The following PCDHGB6 variants were observed in gnomAD, a reference collection of about 807,000 sequenced individuals.
PCDHGB6 encodes protocadherin gamma subfamily B, 6, also known as protocadherin gamma-B6.
In PCDHGB6, 51 loss-of-function variants were observed where a neutral mutation model predicts 59.1. That is an observed-to-expected ratio of 0.86 (90% CI 0.69 to 1.09). PCDHGB6 has a LOEUF of 1.09. Ranked by LOEUF, PCDHGB6 falls within the 50% of genes least tolerant of loss-of-function variation. The probability of loss-of-function intolerance (pLI) is 0.00; values close to 1 mark genes in which losing one functional copy is unlikely to be tolerated. For missense variants in PCDHGB6, 1,148 were observed against 1,205.1 expected, an observed-to-expected ratio of 0.95 and a Z score of 0.70; for synonymous variants, 466 against 495.1, an observed-to-expected ratio of 0.94 and a Z score of 0.78.
chr5:141,441,923 C>A, intron 1 of PCDHGB6: 2 of 351,136 alleles, frequency 5.7e-6, no homozygotes, highest in Non-Finnish European at 5.5e-6. Context: ...AGACACAATG[C>A]GTGGCTGTCC....
At chr5:141,492,822 C>T (rs1241767956) in intron 1 of PCDHGB6, among the ~76,000 whole-genome samples, 1 of 152,238 alleles carries the variant, frequency 6.6e-6, no homozygotes, top group Non-Finnish European at 1.5e-5. Context: ...GCACCAGCGG[C>T]CCCTTCCTCC....
At chr5:141,469,012 C>T (rs1196140759) in intron 1 of PCDHGB6, among the ~76,000 whole-genome samples, 1 of 151,852 alleles carries the variant, frequency 6.6e-6, no homozygotes, top group Non-Finnish European at 1.5e-5. Flanking sequence ...TGCGGTGGGT[C>T]ACTCCTGTAA....
Position 141,489,454 on chromosome 5 carries a change from G to C in PCDHGB6, c.2419-5353G>C, listed in dbSNP as rs1177748773. 1 of 1,613,940 alleles carries C rather than the reference G, an allele frequency of 6.2e-7. No homozygotes were observed. The highest frequency in any genetic ancestry group is 1.3e-5 in the African/African-American group (1 of 74,906). On this transcript the variant is annotated intron_variant, in intron 1 of 3. Transcript: ENST00000520790. This position sits in a 1 kb window ranked among gnomAD's most constrained non-coding sequence, Gnocchi z 4.5. ...GCTGCAATTGGGCTCTGAGGAGAAT[G>C]GGCGCTATTTTTCCCTGAGCTTGAT...
chr5:141,501,706 T>TA (rs2099810629), intron 2 of PCDHGB6, among the ~76,000 whole-genome samples: 1 of 152,094 alleles, frequency 6.6e-6, no homozygotes, highest in South Asian at 2.1e-4. Flanking sequence ...ATTCCGAGGA[T>TA]AAAAAAGACA....
In PCDHGB6 at chr5:141,431,771, C is replaced by G. The variant is rs1175712662; in HGVS notation, c.2418+21151C>G. 1.2e-6 allele frequency: 2 copies of G among 1,614,214 alleles called. No homozygotes were observed. Among genetic ancestry groups the G allele is most frequent in the Non-Finnish European group, 8.5e-7 (1 of 1,180,034 alleles). The stretch of plus-strand genomic sequence containing the variant: ...GCGAGCCAAAGTCCTGATCACTGTT[C>G]TGGACGTGAACGACAATGCCCCAGA... On this transcript the variant is annotated intron_variant, in intron 1 of 3. Coordinates refer to ENST00000520790, the MANE Select transcript of PCDHGB6 (RefSeq NM_018926.3). The surrounding 1 kb of genome is among the most constrained non-coding windows in gnomAD (Gnocchi z 4.8).
chr5:141,500,877 A>ATTT (rs369345007), intron 2 of PCDHGB6, among the ~76,000 whole-genome samples: 1 of 122,288 alleles, frequency 8.2e-6, no homozygotes, highest in Admixed American at 8.0e-5. Context: ...TTCATTTACA[A>ATTT]TTTTTTTTTT....
intron 1 of PCDHGB6, chr5:141,415,857 T>G (rs1271614762): frequency 1.7e-6 from 2 of 1,194,900 alleles, no homozygotes; most frequent in Non-Finnish European, 2.2e-6. Flanking sequence ...AACCTTGTAG[T>G]TTATAGTGTT....
chr5:141,502,003 G>A (rs945565369), intron 2 of PCDHGB6, among the ~76,000 whole-genome samples: 17 of 151,966 alleles, frequency 1.1e-4, no homozygotes, highest in Admixed American at 1.1e-3. Flanking sequence ...CTGACAACCC[G>A]CATGCTCTCC....
In PCDHGB6 at chr5:141,414,479, C is replaced by G. The variant is rs752879517; in HGVS notation, c.2418+3859C>G. The G allele has an allele frequency of 3.1e-6, 5 of 1,613,906 alleles. No homozygotes were observed. The highest frequency in any genetic ancestry group is 1.3e-5 in the African/African-American group (1 of 75,040). Reference sequence around the variant, plus strand: ...ACAGCCACAGATGGGGGAAGTCCTCCTCTATCAACGGAAGCTCACTTTATG... The same window carrying G: ...ACAGCCACAGATGGGGGAAGTCCTCGTCTATCAACGGAAGCTCACTTTATG... On this transcript the variant is annotated intron_variant, in intron 1 of 3. Coordinates refer to ENST00000520790, the MANE Select transcript of PCDHGB6 (RefSeq NM_018926.3).
chr5:141,431,681 G>A lies in PCDHGB6; in HGVS notation c.2418+21061G>A. The A allele has an allele frequency of 6.2e-7, 1 of 1,614,214 alleles. No homozygotes were observed. The highest frequency in any genetic ancestry group is 1.1e-5 in the South Asian group (1 of 91,086). ...GACAATATCAACAATAGGGGAGTTG[G>A]ACCACGAGGAGTCAGGATTCTACCA... On this transcript the variant is annotated intron_variant, in intron 1 of 3. Coordinates refer to ENST00000520790, the MANE Select transcript of PCDHGB6 (RefSeq NM_018926.3). This position sits in a 1 kb window ranked among gnomAD's most constrained non-coding sequence, Gnocchi z 4.8.
In PCDHGB6 at chr5:141,493,664, G is replaced by A. The variant is rs2099749444; in HGVS notation, c.2419-1143G>A. Reference sequence around the variant, plus strand: ...TGGCCATCCCTGTGCCCTTCTCCATGGCAGCCCCAGAATGGTGCTGGTGAC... The same window carrying A: ...TGGCCATCCCTGTGCCCTTCTCCATAGCAGCCCCAGAATGGTGCTGGTGAC... On this transcript the variant is annotated intron_variant, in intron 1 of 3. Coordinates refer to ENST00000520790, the MANE Select transcript of PCDHGB6 (RefSeq NM_018926.3). This position sits in a 1 kb window ranked among gnomAD's most constrained non-coding sequence, Gnocchi z 4.3. Among the ~76,000 whole-genome samples, 1 of 152,136 alleles carries A rather than the reference G, an allele frequency of 6.6e-6. No homozygotes were observed. Among genetic ancestry groups the A allele is most frequent in the Non-Finnish European group, 1.5e-5 (1 of 68,026 alleles).
At chr5:141,418,535 G>GC in intron 1 of PCDHGB6, 1 of 1,614,002 alleles carries the variant, frequency 6.2e-7, no homozygotes, top group Non-Finnish European at 8.5e-7. Context: ...AAGCGGTACT[G>GC]CTCAGATAAG....
At chr5:141,451,352 A>G (rs2098714151) in intron 1 of PCDHGB6, among the ~76,000 whole-genome samples, 1 of 152,232 alleles carries the variant, frequency 6.6e-6, no homozygotes, top group Non-Finnish European at 1.5e-5. Flanking sequence ...AAGGGTCAAC[A>G]GAGGATGGAT....
rs1021096537 is a variant in PCDHGB6, at chr5:141,511,383, T to C, written c.*210T>C. 2 of 1,155,330 alleles carry C rather than the reference T, an allele frequency of 1.7e-6. No homozygotes were observed. Among genetic ancestry groups the C allele is most frequent in the Non-Finnish European group, 2.4e-6 (2 of 841,000 alleles). The allele number at this position is 1,155,330 out of a possible 1,614,324, so 71.6% of individuals were successfully genotyped here. ...GTTGAATATGCAAAAGCAGTTCCGC[T>C]GGGAACCCCCATCCAATCAACTGCT... is the stretch of plus-strand genomic sequence containing the variant. On this transcript the variant is annotated 3_prime_UTR_variant, in exon 4 of 4. Transcript: ENST00000520790.
intron 1 of PCDHGB6, among the ~76,000 whole-genome samples, chr5:141,474,990 A>G (rs1245269630): frequency 6.6e-6 from 1 of 152,222 alleles, no homozygotes; most frequent in African/African-American, 2.4e-5. Context: ...GGTGACAACA[A>G]TTCTAAATGC....
chr5:141,418,821 C>G (rs750200042), intron 1 of PCDHGB6: 1 of 1,613,846 alleles, frequency 6.2e-7, no homozygotes, highest in Non-Finnish European at 8.5e-7. Flanking sequence ...AACATAGAAG[C>G]AAAAGACCGA....
At chr5:141,430,076 T>C (rs2097260023) in intron 1 of PCDHGB6, among the ~76,000 whole-genome samples, 1 of 152,208 alleles carries the variant, frequency 6.6e-6, no homozygotes, top group South Asian at 2.1e-4. Context: ...GTTTCCATAA[T>C]ATCATGAAAA....
intron 2 of PCDHGB6, among the ~76,000 whole-genome samples, chr5:141,495,377 G>A (rs558501090): frequency 1.9e-4 from 29 of 152,330 alleles, no homozygotes; most frequent in Admixed American, 6.5e-4. Flanking sequence ...ACTGAGGAAG[G>A]ACTGGGCGGG....
chr5:141,484,024 A>G (rs769415978), intron 1 of PCDHGB6, among the ~76,000 whole-genome samples: 14 of 150,914 alleles, frequency 9.3e-5, no homozygotes, highest in Non-Finnish European at 1.6e-4. Flanking sequence ...GTGGGGTGAG[A>G]TCAAGTCTCC....
Sources: gnomAD v4.1 joint callset for allele counts (sites outside exome capture counted in the v4.1 genomes callset) on GRCh38, gnomAD v4.1.1 for gene constraint, Gnocchi (gnomAD v3.1) non-coding constraint, MANE v1.5 for transcripts, NCBI Gene and HGNC (gene_info 2026-07-23, HGNC 2026-07-21) for gene names.